The following AGBL5 variants were observed in gnomAD, a reference collection of about 807,000 sequenced individuals.
The protein encoded by AGBL5 is AGBL carboxypeptidase 5.
A neutral mutation model predicts 88.0 loss-of-function variants in AGBL5; 51 were observed. That is an observed-to-expected ratio of 0.58 (90% CI 0.46 to 0.73). AGBL5 has a LOEUF of 0.73. Ranked by LOEUF, AGBL5 falls within the 30% of genes least tolerant of loss-of-function variation. The pLI is 0.00. For synonymous variants in AGBL5, 446 were observed against 438.8 expected, an observed-to-expected ratio of 1.02 and a Z score of -0.21; for missense variants, 1,031 against 1,162.2, an observed-to-expected ratio of 0.89 and a Z score of 1.64.
chr2:27,060,858 G>T (rs1400950262), intron 11 of AGBL5, among the ~76,000 whole-genome samples: 1 of 152,212 alleles, frequency 6.6e-6, no homozygotes, highest in Non-Finnish European at 1.5e-5. Context: ...CAGTGAACAA[G>T]ATAATATCAT....
At chr2:27,051,090 T>C (rs1255029459), upstream of AGBL5, 1 of 152,248 alleles carries the variant, frequency 6.6e-6, no homozygotes, top group Non-Finnish European at 1.5e-5. Context: ...ATTTTTAGAA[T>C]CTTGCACATG....
rs1233229079 is a variant in AGBL5 at position 27,067,511 on chromosome 2, A to C, written c.2107A>C (p.Arg703=). The change falls in exon 12 of 15, where the codon AGG becomes CGG. Residue 703 remains arginine, a synonymous_variant. Transcript: ENST00000360131. ...CCACTCAGAGCCCCGAAGCCAGGACAGGAGACGGCAGCAGCAGCCCCTGAA... is the reference window on the plus strand; with the variant it reads ...CCACTCAGAGCCCCGAAGCCAGGACCGGAGACGGCAGCAGCAGCCCCTGAA... ...GPVREPRSQD[R]RRQQQPLNHR... 2.5e-6 allele frequency: 4 copies of C among 1,614,068 alleles called. No homozygotes were observed. The highest frequency in any genetic ancestry group is 4.5e-5 in the East Asian group (2 of 44,870).
chr2:27,067,550 G>A lies in AGBL5; in HGVS notation c.2146G>A (p.Gly716Ser). The change falls in exon 12 of 15, where the codon GGC (glycine) becomes AGC (serine). Residue 716 changes from glycine (G) to serine (S), a missense_variant. This residue lies in a region of AGBL5 where 491 missense variants were observed against 484.0 expected (regional missense o/e 1.01). Coordinates refer to ENST00000360131, the MANE Select transcript of AGBL5 (RefSeq NM_021831.6). The part of the protein sequence containing the change: ...QQQPLNHRPA[G>S]SLAPSPAPTS... The stretch of plus-strand genomic sequence containing the variant: ...GCAGCCCCTGAACCATCGTCCTGCA[G>A]GCAGCCTCGCTCCATCCCCAGCTCC... 1 of 1,614,138 alleles carries A rather than the reference G, an allele frequency of 6.2e-7. No homozygotes were observed. Among genetic ancestry groups the A allele is most frequent in the East Asian group, 2.2e-5 (1 of 44,866 alleles).
At chr2:27,056,363 A>G in intron 7 of AGBL5, 1 of 598,558 alleles carries the variant, frequency 1.7e-6, no homozygotes, top group South Asian at 2.5e-5. Context: ...ACTGCATTAT[A>G]GTCTGCTAGA....
chr2:27,055,600 A>G (rs528169335), intron 6 of AGBL5, 82 bp from the exon 7 acceptor site: 67 of 1,288,014 alleles, frequency 5.2e-5, no homozygotes, highest in Middle Eastern at 2.0e-4. Flanking sequence ...TCAGTCTCCT[A>G]CGGTCTCCTT....
At chr2:27,063,227 T>C (rs1183245158) in intron 11 of AGBL5, among the ~76,000 whole-genome samples, 2 of 152,228 alleles carry the variant, frequency 1.3e-5, no homozygotes, top group Non-Finnish European at 2.9e-5. Flanking sequence ...TCTAGTCCTC[T>C]GCCTGCCACT....
upstream of AGBL5, among the ~76,000 whole-genome samples, chr2:27,050,823 T>G (rs917554786): frequency 2.0e-5 from 3 of 151,858 alleles, no homozygotes; most frequent in Admixed American, 6.6e-5. Flanking sequence ...CTGTAGTGGA[T>G]AGGGCGTGGC....
chr2:27,054,948 C>T (rs1029341016), intron 5 of AGBL5, 127 bp from the exon 6 acceptor site: 1 of 1,478,572 alleles, frequency 6.8e-7, no homozygotes, highest in East Asian at 2.3e-5. Flanking sequence ...GGCCCCTGCT[C>T]CACTTGCAGA....
In AGBL5 at chr2:27,053,035, AATCTTTGTCCAG is replaced by A. The variant is rs1668248091; in HGVS notation, c.78_89del (p.Glu26_Ser30delinsAsp). On this transcript the variant is annotated inframe_deletion, in exon 2 of 15. Transcript: ENST00000360131. The surrounding 1 kb of genome is among the most constrained non-coding windows in gnomAD (Gnocchi z 4.9). ...AATCTAGCCCACGTGGAGAAGGTGG[AATCTTTGTCCAG>A]TGATGGGGAAGGGGTAGGAGGTGGG... is the stretch of plus-strand genomic sequence containing the variant. 6.2e-7 allele frequency: 1 copy of A among 1,613,646 alleles called. No individual in the cohort carries two copies. Among genetic ancestry groups the A allele is most frequent in the African/African-American group, 1.3e-5 (1 of 74,898 alleles).
At chr2:27,054,156 C>G in intron 4 of AGBL5, 97 bp downstream of exon 4, 2 of 1,408,110 alleles carry the variant, frequency 1.4e-6, no homozygotes, top group Non-Finnish European at 9.6e-7. Context: ...ACCATACTTT[C>G]ATCCGTCTTT....
intron 11 of AGBL5, among the ~76,000 whole-genome samples, chr2:27,063,398 G>A (rs920726206): frequency 2.6e-5 from 4 of 152,030 alleles, no homozygotes; most frequent in East Asian, 1.9e-4. Flanking sequence ...GATCGAGACC[G>A]TCCTGGCTAA....
In AGBL5 at chr2:27,056,618, A is replaced by T. The variant is rs376368876; in HGVS notation, c.1366-5A>T. 1.1e-5 allele frequency: 17 copies of T among 1,590,590 alleles called. No homozygotes were observed. In the Admixed American group the frequency reaches 2.1e-4, roughly 19 times the overall value. The stretch of plus-strand genomic sequence containing the variant: ...CTTCTGAGTTGACTTTTCTTCCCCA[A>T]ACAGGTGGAAAACATGCTATATCCA... On this transcript the variant is annotated splice_polypyrimidine_tract_variant and splice_region_variant and intron_variant, in intron 7 of 14. Coordinates refer to ENST00000360131, the MANE Select transcript of AGBL5 (RefSeq NM_021831.6).
At position 27,069,650 on chromosome 2, in the gene AGBL5, C is replaced by A. The variant is rs367619851; in HGVS notation, c.2433C>A (p.Thr811=). The change falls in exon 14 of 15, where the codon ACC becomes ACA. Residue 811 remains threonine, a synonymous_variant. Transcript: ENST00000360131. ...MKGSSGPTSP[T]PRTRESSELE... ...GCTCTTCAGGCCCCACATCCCCTAC[C>A]CCCCGGACCAGGGAGAGCAGTGAGC... 1.9e-6 allele frequency: 3 copies of A among 1,614,082 alleles called. No homozygotes were observed. The African/African-American group carries it at 4.0e-5, about 22-fold the overall frequency.
At chr2:27,064,817 G>C (rs183254457) in intron 11 of AGBL5, among the ~76,000 whole-genome samples, 1 of 125,482 alleles carries the variant, frequency 8.0e-6, no homozygotes, top group Non-Finnish European at 1.6e-5. Context: ...TGCAGTGGCC[G>C]ATCTCAGCTC....
intron 11 of AGBL5, 80 bp from the exon 12 acceptor site, chr2:27,067,414 G>A: frequency 6.9e-7 from 1 of 1,455,846 alleles, no homozygotes; most frequent in East Asian, 2.3e-5. Context: ...TTTGACCACG[G>A]AAGCCAGCAG....
At chr2:27,054,159 C>CCGTCTTTT in intron 4 of AGBL5, 100 bp downstream of exon 4, 2 of 1,399,458 alleles carry the variant, frequency 1.4e-6, no homozygotes, top group South Asian at 2.8e-5. Flanking sequence ...ATACTTTCAT[C>CCGTCTTTT]CGTCTTTTTT....
At chr2:27,054,487 C>A in intron 4 of AGBL5, 143 bp from the exon 5 acceptor site, 1 of 747,816 alleles carries the variant, frequency 1.3e-6, no homozygotes, top group Non-Finnish European at 2.2e-6. Context: ...AAATCCTTAG[C>A]CTCATTTAAC....
chr2:27,055,271 C>A lies in AGBL5; in HGVS notation c.908+18C>A, dbSNP rs373166235. The A allele has an allele frequency of 1.1e-5, 17 of 1,610,364 alleles. No homozygotes were observed. Among genetic ancestry groups the A allele is most frequent in the Non-Finnish European group, 1.4e-5 (16 of 1,177,208 alleles). On this transcript the variant is annotated intron_variant, in intron 6 of 14. Coordinates refer to ENST00000360131, the MANE Select transcript of AGBL5 (RefSeq NM_021831.6). ...CACTACCGGTAAGTGGCTTCCCCAG[C>A]CTGTCTGGACTGTTCCCATTTCCCC...
At chr2:27,066,273 A>G (rs536557019) in intron 11 of AGBL5, among the ~76,000 whole-genome samples, 1 of 151,442 alleles carries the variant, frequency 6.6e-6, no homozygotes, top group South Asian at 2.1e-4. Flanking sequence ...GAATGCAGAG[A>G]TAGAATTGTA....
Sources: allele counts gnomAD v4.1 joint callset (sites outside exome capture counted in the v4.1 genomes callset), GRCh38; gene constraint gnomAD v4.1.1; regional missense constraint gnomAD v4.1.1; non-coding constraint Gnocchi (gnomAD v3.1); transcripts MANE v1.5; gene names NCBI Gene and HGNC (gene_info 2026-07-23, HGNC 2026-07-21).